The following NEXMIF variants were observed in gnomAD, a reference collection of about 807,000 sequenced individuals.
The protein encoded by NEXMIF is neurite extension and migration factor, also known as XLMR protein related to neurite extension.
A neutral mutation model predicts 62.1 loss-of-function variants in NEXMIF; 8 were observed. That is an observed-to-expected ratio of 0.13 (90% confidence interval 0.08 to 0.23). NEXMIF has a LOEUF of 0.23. NEXMIF is among the 10% of genes least tolerant of loss of function. The pLI, the probability that NEXMIF is intolerant of heterozygous loss-of-function variation, is 1.00. For missense variants in NEXMIF, 976 were observed against 1,113.3 expected (o/e 0.88, Z 1.75); for synonymous variants, 404 against 416.6 (o/e 0.97, Z 0.37).
At chrX:74,886,949 G>A (rs1374496449) in intron 1 of NEXMIF, among the ~76,000 whole-genome samples, 1 of 110,579 alleles carries the variant, frequency 9.0e-6, no homozygotes, top group Non-Finnish European at 1.9e-5. Flanking sequence ...TACCAAAACA[G>A]AGATATAGAC....
intron 1 of NEXMIF, chrX:74,769,520 G>A (rs2080203813): frequency 5.5e-6 from 2 of 360,451 alleles, no homozygotes; most frequent in Non-Finnish European, 9.6e-6. Context: ...AAGGCAAAGA[G>A]TCCTTCCAGT....
At chrX:74,877,342 A>C (rs1299128544) in intron 1 of NEXMIF, among the ~76,000 whole-genome samples, 1 of 111,689 alleles carries the variant, frequency 9.0e-6, no homozygotes, top group African/African-American at 3.3e-5. Context: ...TGGCTTGTAG[A>C]GTTTCTGCTG....
In NEXMIF at chrX:74,741,762, G is replaced by A. The variant is rs375607660; in HGVS notation, c.2795C>T (p.Thr932Ile). The part of the protein sequence containing the change: ...VSMENNLTPT[T>I]YNPICLNSGG... ...ACTATTGAGACAGATTGGATTGTAT[G>A]TTGTAGGTGTGAGGTTATTTTCCAT... Residue 932 changes from threonine (T) to isoleucine (I), a missense_variant, in exon 3 of 4, where the codon ACA becomes ATA. Thr to Ile is a moderately conservative substitution (Grantham distance 89). Transcript: ENST00000055682. 3 of 1,210,136 alleles carry A rather than the reference G, an allele frequency of 2.5e-6. No individual in the cohort carries two copies. Among genetic ancestry groups the A allele is most frequent in the African/African-American group, 3.5e-5 (2 of 57,289 alleles).
chrX:74,900,290 C>A (rs945854593), intron 1 of NEXMIF, among the ~76,000 whole-genome samples: 1 of 108,650 alleles, frequency 9.2e-6, no homozygotes, highest in Non-Finnish European at 1.9e-5. Flanking sequence ...TGGTGAAAAT[C>A]CCGTCTCTAC....
intron 1 of NEXMIF, among the ~76,000 whole-genome samples, chrX:74,853,438 A>G (rs909651296): frequency 1.9e-5 from 2 of 108,065 alleles, no homozygotes; most frequent in Admixed American, 2.0e-4. Flanking sequence ...GGAGGCTGCC[A>G]TGATACCCAT....
At chrX:74,850,038 A>T (rs2080507457) in intron 1 of NEXMIF, among the ~76,000 whole-genome samples, 1 of 112,325 alleles carries the variant, frequency 8.9e-6, no homozygotes, top group Non-Finnish European at 1.9e-5. Context: ...CATATGACTG[A>T]GGATTGAGGA....
At chrX:74,828,751 A>G (rs925739055) in intron 1 of NEXMIF, among the ~76,000 whole-genome samples, 1 of 112,131 alleles carries the variant, frequency 8.9e-6, no homozygotes, top group Non-Finnish European at 1.9e-5. Flanking sequence ...AAGCAGTGTT[A>G]CTTTGAGGTT....
At chrX:74,803,834 G>C (rs1389565163) in intron 1 of NEXMIF, among the ~76,000 whole-genome samples, 1 of 110,427 alleles carries the variant, frequency 9.1e-6, no homozygotes, top group Non-Finnish European at 1.9e-5. Flanking sequence ...GCACGAAGGA[G>C]AAATAAAGAC....
chrX:74,824,612 A>G (rs1297344588), intron 1 of NEXMIF, among the ~76,000 whole-genome samples: 1 of 110,917 alleles, frequency 9.0e-6, no homozygotes, highest in African/African-American at 3.3e-5. Flanking sequence ...GTAAATACCC[A>G]GAAGTGGGAT....
At chrX:74,842,367 TC>T (rs2080476788) in intron 1 of NEXMIF, among the ~76,000 whole-genome samples, 1 of 111,882 alleles carries the variant, frequency 8.9e-6, no homozygotes, top group Admixed American at 9.5e-5. Flanking sequence ...TATCTTATTT[TC>T]TTCTTTATTA....
At chrX:74,878,434 G>T (rs2080647801) in intron 1 of NEXMIF, among the ~76,000 whole-genome samples, 1 of 112,543 alleles carries the variant, frequency 8.9e-6, no homozygotes. Context: ...GGTTACTGCT[G>T]TCTTTGTGTT....
intron 1 of NEXMIF, among the ~76,000 whole-genome samples, chrX:74,788,285 A>C (rs966814524): frequency 8.9e-6 from 1 of 112,081 alleles, no homozygotes; most frequent in Non-Finnish European, 1.9e-5. Context: ...TTGTATTTTT[A>C]AGTCAGATTT....
chrX:74,789,845 G>T (rs1369030784), intron 1 of NEXMIF, among the ~76,000 whole-genome samples: 1 of 107,724 alleles, frequency 9.3e-6, no homozygotes, highest in Admixed American at 1.0e-4. Context: ...TTGTAAATTT[G>T]TTTGAGTTCA....
At chrX:74,811,533 A>G (rs922056523) in intron 1 of NEXMIF, among the ~76,000 whole-genome samples, 1 of 112,746 alleles carries the variant, frequency 8.9e-6, no homozygotes, top group African/African-American at 3.2e-5. Flanking sequence ...CAAATCCTTT[A>G]TCAGCTTAAA....
chrX:74,819,550 C>T (rs886757087), intron 1 of NEXMIF, among the ~76,000 whole-genome samples: 5 of 111,803 alleles, frequency 4.5e-5, no homozygotes, highest in Admixed American at 9.5e-5. Context: ...ACTTTTCAAA[C>T]GAAGACATTT....
Position 74,743,304 on chromosome X carries a change from A to G in NEXMIF, c.1253T>C (p.Val418Ala), listed in dbSNP as rs750946023. 2.5e-6 allele frequency: 3 copies of G among 1,211,143 alleles called. No homozygotes were observed. In the South Asian group the frequency reaches 5.3e-5, roughly 21 times the overall value. ...CTGCTTTGGATTCTTAAGTTGCTCTACTTCAGTCCCACTGCATGGTTTATT... is the reference window on the plus strand; with the variant it reads ...CTGCTTTGGATTCTTAAGTTGCTCTGCTTCAGTCCCACTGCATGGTTTATT... ...ALNKPCSGTEVEQLKNPKQGH... is the reference protein window; with the variant it reads ...ALNKPCSGTEAEQLKNPKQGH... The change falls in exon 3 of 4, where the codon GTA (valine) becomes GCA (alanine). Residue 418 changes from valine (V) to alanine (A), a missense_variant. By Grantham distance (64) the Val-to-Ala change is moderately conservative (BLOSUM62 0). Around this residue, in one of 5 missense-constraint regions of NEXMIF, gnomAD observed 639 missense variants for 694.5 expected, o/e 0.92. Coordinates refer to ENST00000055682, the MANE Select transcript of NEXMIF (RefSeq NM_001008537.3).
intron 1 of NEXMIF, among the ~76,000 whole-genome samples, chrX:74,885,204 G>C (rs1041275980): frequency 9.0e-6 from 1 of 111,191 alleles, no homozygotes; most frequent in Admixed American, 9.6e-5. Flanking sequence ...GGAAAGATCT[G>C]AAATTGACAC....
At chrX:74,761,699 T>C (rs1336137322) in intron 1 of NEXMIF, among the ~76,000 whole-genome samples, 1 of 111,600 alleles carries the variant, frequency 9.0e-6, no homozygotes, top group African/African-American at 3.3e-5. Context: ...CTCTTTTGAA[T>C]GGTTTTTCGT....
chrX:74,767,088 C>G (rs761248846), intron 1 of NEXMIF, among the ~76,000 whole-genome samples: 2 of 112,422 alleles, frequency 1.8e-5, no homozygotes, highest in Non-Finnish European at 3.8e-5. Flanking sequence ...GGCTGCAAGA[C>G]AGCAAAGAGG....
Sources: gnomAD v4.1 joint callset for allele counts (sites outside exome capture counted in the v4.1 genomes callset) on GRCh38, gnomAD v4.1.1 for gene constraint, gnomAD v4.1.1 regional missense constraint, MANE v1.5 for transcripts, NCBI Gene and HGNC (gene_info 2026-07-23, HGNC 2026-07-21) for gene names.